Variants in ANKS1B observed in about 807,000 individuals in gnomAD.
ANKS1B encodes the protein ankyrin repeat and sterile alpha motif domain-containing protein 1B.
Under a neutral mutation model 148.3 loss-of-function variants are expected in ANKS1B, and 36 were observed. The observed-to-expected ratio is 0.24, with a 90% CI of 0.19 to 0.32. ANKS1B has a LOEUF of 0.32. Ranked by LOEUF, ANKS1B falls within the 10% of genes least tolerant of loss-of-function variation. The pLI is 1.00. For missense variants in ANKS1B, 1,157 were observed against 1,542.6 expected (o/e 0.75, Z 4.19); for synonymous variants, 542 against 560.8 (o/e 0.97, Z 0.47).
At chr12:99,084,740 T>G (rs997910828) in intron 16 of ANKS1B, among the ~76,000 whole-genome samples, 185 bp downstream of exon 16, 4 of 151,922 alleles carry the variant, frequency 2.6e-5, no homozygotes, top group Non-Finnish European at 5.9e-5. Flanking sequence ...CAATAAAACC[T>G]CAAGCCAAGT....
intron 17 of ANKS1B, among the ~76,000 whole-genome samples, chr12:98,913,020 C>G (rs901242840): frequency 3.3e-5 from 5 of 152,050 alleles, no homozygotes; most frequent in African/African-American, 1.2e-4. Flanking sequence ...TTTTATTTCT[C>G]CACATTTTAC....
At position 99,065,977 on chromosome 12, in the gene ANKS1B, T is replaced by C. The variant is rs566904942; in HGVS notation, c.2626-12668A>G. Among the ~76,000 whole-genome samples, 53 of 151,986 alleles carry C rather than the reference T, an allele frequency of 3.5e-4. No homozygotes were observed. The South Asian group carries it at 0.011, about 32-fold the overall frequency. ...CAGGTGCAGTATTAAATAGCGTGGTTAGGGGAAGTTTCATTCAGAGGAGAA... is the reference window on the plus strand; with the variant it reads ...CAGGTGCAGTATTAAATAGCGTGGTCAGGGGAAGTTTCATTCAGAGGAGAA... On this transcript the variant is annotated intron_variant, in intron 16 of 26. Coordinates refer to ENST00000683438, the MANE Select transcript of ANKS1B (RefSeq NM_001352186.2).
chr12:99,718,262 C>A (rs1046492004), intron 8 of ANKS1B, among the ~76,000 whole-genome samples: 1 of 152,170 alleles, frequency 6.6e-6, no homozygotes, highest in Non-Finnish European at 1.5e-5. Flanking sequence ...CTTATTAGGC[C>A]GAGACATTTA....
intron 1 of ANKS1B, among the ~76,000 whole-genome samples, chr12:99,955,823 C>T (rs1377928146): frequency 6.6e-6 from 1 of 152,128 alleles, no homozygotes; most frequent in Non-Finnish European, 1.5e-5. Context: ...CCATAAATAG[C>T]TCACAGCTTA....
chr12:99,594,437 C>A (rs1314672154), intron 9 of ANKS1B, among the ~76,000 whole-genome samples: 2 of 151,994 alleles, frequency 1.3e-5, no homozygotes, highest in Non-Finnish European at 2.9e-5. Context: ...TCATTAACAG[C>A]CAAGATGTAG....
intron 10 of ANKS1B, among the ~76,000 whole-genome samples, chr12:99,450,049 T>C (rs576104666): frequency 2.9e-4 from 44 of 152,234 alleles, no homozygotes; most frequent in African/African-American, 1.0e-3. Context: ...ACAGCCTATG[T>C]GTAGTTCCAT....
chr12:98,775,438 T>G (rs756347290), intron 24 of ANKS1B, among the ~76,000 whole-genome samples: 1 of 151,986 alleles, frequency 6.6e-6, no homozygotes, highest in African/African-American at 2.4e-5. Context: ...GGAGCCCTCT[T>G]CTTCTCTTTC....
chr12:99,736,227 C>T (rs1401946577), intron 8 of ANKS1B, among the ~76,000 whole-genome samples: 1 of 151,972 alleles, frequency 6.6e-6, no homozygotes, highest in Non-Finnish European at 1.5e-5. Flanking sequence ...CTCTATGCAA[C>T]ATAGTACTGG....
At chr12:99,823,321 T>C (rs2153681075) in intron 2 of ANKS1B, among the ~76,000 whole-genome samples, 1 of 152,242 alleles carries the variant, frequency 6.6e-6, no homozygotes, top group Non-Finnish European at 1.5e-5. Context: ...TTTATCTATT[T>C]ATTTATTTAT....
chr12:99,863,810 G>A (rs943831426), intron 1 of ANKS1B, among the ~76,000 whole-genome samples: 4 of 151,108 alleles, frequency 2.6e-5, no homozygotes, highest in South Asian at 2.1e-4. Context: ...GGTGGCTCAC[G>A]CCTGTAATCC....
chr12:99,429,455 C>T (rs1318597683), intron 11 of ANKS1B, among the ~76,000 whole-genome samples: 1 of 152,124 alleles, frequency 6.6e-6, no homozygotes, highest in African/African-American at 2.4e-5. Flanking sequence ...CAAGAAAAGA[C>T]TGAAGAATTA....
At chr12:99,638,106 T>C (rs1441316729) in intron 9 of ANKS1B, among the ~76,000 whole-genome samples, 1 of 152,104 alleles carries the variant, frequency 6.6e-6, no homozygotes, top group Non-Finnish European at 1.5e-5. Flanking sequence ...ACATATTTGT[T>C]TCCCTTTCTG....
intron 8 of ANKS1B, among the ~76,000 whole-genome samples, chr12:99,720,187 GA>G (rs1443554960): frequency 1.3e-5 from 2 of 152,136 alleles, no homozygotes; most frequent in African/African-American, 4.8e-5. Context: ...ACCCTTCAGG[GA>G]TTGTTCAGGC....
intron 25 of ANKS1B, among the ~76,000 whole-genome samples, chr12:98,771,334 A>T (rs1566276155): frequency 5.0e-5 from 7 of 141,278 alleles, no homozygotes; most frequent in Non-Finnish European, 4.7e-5. Context: ...TGTCTGGCTA[A>T]TTTTTTTTTT....
chr12:99,453,828 T>C (rs573492970), intron 10 of ANKS1B, among the ~76,000 whole-genome samples: 6 of 152,264 alleles, frequency 3.9e-5, no homozygotes, highest in South Asian at 2.1e-4. Context: ...ATGGAAAACA[T>C]AGAAGGGCAA....
intron 11 of ANKS1B, among the ~76,000 whole-genome samples, chr12:99,432,060 C>T (rs58561980): frequency 6.6e-6 from 1 of 152,090 alleles, no homozygotes; most frequent in Non-Finnish European, 1.5e-5. Flanking sequence ...CCAGACACCA[C>T]TGGAGTTTTG....
intron 9 of ANKS1B, among the ~76,000 whole-genome samples, chr12:99,651,750 G>A (rs1347824493): frequency 6.6e-6 from 1 of 151,796 alleles, no homozygotes. Context: ...CTCATCTCTT[G>A]TAATCAAAGT....
At chr12:99,869,987 T>A (rs2091291601) in intron 1 of ANKS1B, among the ~76,000 whole-genome samples, 1 of 152,214 alleles carries the variant, frequency 6.6e-6, no homozygotes, top group Non-Finnish European at 1.5e-5. Flanking sequence ...GATGTACAGA[T>A]TTATTACACA....
At chr12:99,089,710 T>G (rs2053399694) in intron 15 of ANKS1B, among the ~76,000 whole-genome samples, 1 of 152,198 alleles carries the variant, frequency 6.6e-6, no homozygotes, top group South Asian at 2.1e-4. Flanking sequence ...AATTCTCTTT[T>G]AATTCTTCAG....
Sources: allele counts gnomAD v4.1 joint callset (sites outside exome capture counted in the v4.1 genomes callset), GRCh38; gene constraint gnomAD v4.1.1; transcripts MANE v1.5; gene names NCBI Gene and HGNC (gene_info 2026-07-23, HGNC 2026-07-21).